The following ADGRB1 variants were observed in gnomAD, a reference collection of about 807,000 sequenced individuals.
ADGRB1 encodes brain-specific angiogenesis inhibitor 1.
ADGRB1 carries 36 observed loss-of-function variants against 175.7 expected under a neutral mutation model. The observed-to-expected ratio is 0.20, with a 90% CI of 0.16 to 0.27. ADGRB1 has a LOEUF of 0.27. Ranked by LOEUF, ADGRB1 falls within the 10% of genes least tolerant of loss-of-function variation. The pLI is 1.00. For missense variants in ADGRB1, 1,731 were observed against 2,255.3 expected, an observed-to-expected ratio of 0.77 and a Z score of 4.71; for synonymous variants, 1,054 against 979.4, an observed-to-expected ratio of 1.08 and a Z score of -1.42.
intron 17 of ADGRB1, among the ~76,000 whole-genome samples, chr8:142,497,949 C>A (rs1392083268): frequency 6.6e-6 from 1 of 152,174 alleles, no homozygotes; most frequent in Non-Finnish European, 1.5e-5. Flanking sequence ...TCCTCCCAGT[C>A]CAGGACAGAC....
rs1034450105 is a variant in ADGRB1 at position 142,455,453 on chromosome 8, C to G, written c.-220+5349C>G. Among the ~76,000 whole-genome samples, 5 of 152,300 alleles carry G rather than the reference C, an allele frequency of 3.3e-5. No individual in the cohort carries two copies. The highest frequency in any genetic ancestry group is 5.9e-5 in the Non-Finnish European group (4 of 68,036). ...GACAGAAGTCCTCTCTGCAGCTTCG[C>G]TGTCAGGCCCCCAACCACTTGCCTT... On this transcript the variant is annotated intron_variant, in intron 1 of 30. Transcript: ENST00000517894. This position sits in a 1 kb window ranked among gnomAD's most constrained non-coding sequence, Gnocchi z 4.9.
intron 23 of ADGRB1, 74 bp from the exon 24 acceptor site, chr8:142,526,468 C>G (rs546292953): frequency 1.5e-6 from 2 of 1,354,738 alleles, no homozygotes; most frequent in Admixed American, 2.0e-5. Flanking sequence ...TAGCCAGCAT[C>G]GGTCCGGCCA....
rs1417404164 is a variant in ADGRB1 at position 142,544,730 on chromosome 8, A to C, written c.*313A>C. On this transcript the variant is annotated 3_prime_UTR_variant, in exon 31 of 31. Coordinates refer to ENST00000517894, the MANE Select transcript of ADGRB1 (RefSeq NM_001702.3). ...GACCGTGGACAGGCCCAGCGCGGCCAGCGTCCCAGGGTACCCGCCTGAGCT... is the reference window on the plus strand; with the variant it reads ...GACCGTGGACAGGCCCAGCGCGGCCCGCGTCCCAGGGTACCCGCCTGAGCT... 4 of 230,752 alleles carry C rather than the reference A, an allele frequency of 1.7e-5. No homozygotes were observed. Among genetic ancestry groups the C allele is most frequent in the Non-Finnish European group, 3.3e-5 (4 of 119,984 alleles). 14.3% of individuals were successfully genotyped at this position (230,752 alleles called of 1,614,324 possible).
At chr8:142,469,221 C>T (rs899281216) in intron 2 of ADGRB1, among the ~76,000 whole-genome samples, 24 of 142,950 alleles carry the variant, frequency 1.7e-4, no homozygotes, top group African/African-American at 6.3e-4. Flanking sequence ...GTGTGCATAT[C>T]TGTGAATGTG....
At chr8:142,451,334 C>T (rs1839337911) in intron 1 of ADGRB1, among the ~76,000 whole-genome samples, 1 of 152,196 alleles carries the variant, frequency 6.6e-6, no homozygotes, top group African/African-American at 2.4e-5. Flanking sequence ...GGCACCTTAC[C>T]CCTTTCCACT....
intron 17 of ADGRB1, among the ~76,000 whole-genome samples, chr8:142,502,539 G>A (rs1030830614): frequency 1.8e-4 from 13 of 73,136 alleles, no homozygotes; most frequent in Admixed American, 1.1e-3. Flanking sequence ...TTTGAGGATG[G>A]AGGCAGAGGT....
At chr8:142,488,133 C>T (rs564810597) in intron 13 of ADGRB1, among the ~76,000 whole-genome samples, 212 of 152,302 alleles carry the variant, frequency 1.4e-3, no homozygotes, top group Non-Finnish European at 2.5e-3. Flanking sequence ...GGACCAGGAC[C>T]GGCCCAGCCT....
At chr8:142,477,343 C>T (rs754411890) in intron 5 of ADGRB1, 42 bp from the exon 6 acceptor site, 14 of 1,375,488 alleles carry the variant, frequency 1.0e-5, no homozygotes, top group Middle Eastern at 1.9e-4. Context: ...GCAGCGGGGG[C>T]GGTGGCCGCA....
At chr8:142,497,889 G>A (rs1388593392) in intron 17 of ADGRB1, among the ~76,000 whole-genome samples, 1 of 152,190 alleles carries the variant, frequency 6.6e-6, no homozygotes, top group African/African-American at 2.4e-5. Context: ...AGGTCGTAAG[G>A]TCACGGCTGC....
intron 27 of ADGRB1, among the ~76,000 whole-genome samples, chr8:142,541,508 CCCACCCACACAAGG>C (rs1845269302): frequency 1.3e-5 from 2 of 152,184 alleles, no homozygotes; most frequent in Admixed American, 6.5e-5. Flanking sequence ...CACACTGCCC[CCCACCCACACAAGG>C]CCCAGGGCCG....
At chr8:142,505,342 G>A (rs1212786656) in intron 17 of ADGRB1, among the ~76,000 whole-genome samples, 1 of 152,218 alleles carries the variant, frequency 6.6e-6, no homozygotes, top group Non-Finnish European at 1.5e-5. Context: ...GCTCTCCCAA[G>A]GCCTCCTACC....
rs1845438095 is a variant in ADGRB1, at chr8:142,543,882, T to C, written c.4557+174T>C. 6.6e-6 allele frequency among the ~76,000 whole-genome samples: 1 copy of C among 152,112 alleles called. No homozygotes were observed. The highest frequency in any genetic ancestry group is 6.5e-5 in the Admixed American group (1 of 15,276). On this transcript the variant is annotated intron_variant, in intron 30 of 30. Coordinates refer to ENST00000517894, the MANE Select transcript of ADGRB1 (RefSeq NM_001702.3). The surrounding 1 kb of genome is among the most constrained non-coding windows in gnomAD (Gnocchi z 4.4). ...GGCCTGACCCTGCCATGCCAGACTC[T>C]GGAGGCCATGGCCATACTGGGAGCT...
chr8:142,464,412 C>A lies in ADGRB1; in HGVS notation c.214C>A (p.Leu72Ile), dbSNP rs1445797377. ...CAACGCCTCGCGCTGCTCCTGGACG[C>A]TACGCAACCCGGACCCGCGGCGCTA... ...PANASRCSWT[L>I]RNPDPRRYTL... Residue 72 changes from leucine to isoleucine, a missense_variant, in exon 2 of 31, where the codon CTA (leucine) becomes ATA (isoleucine). This residue lies in a region of ADGRB1 where 383 missense variants were observed against 383.1 expected (regional missense o/e 1.00). Transcript: ENST00000517894. 3.9e-6 allele frequency: 6 copies of A among 1,544,116 alleles called. No homozygotes were observed. The highest frequency in any genetic ancestry group is 5.2e-6 in the Non-Finnish European group (6 of 1,148,694).
intron 25 of ADGRB1, among the ~76,000 whole-genome samples, chr8:142,536,663 G>C (rs1038145107): frequency 4.6e-5 from 7 of 151,996 alleles, no homozygotes; most frequent in Admixed American, 2.0e-4. Context: ...GGACATCTTC[G>C]GCCCGCTGCA....
chr8:142,469,588 AATGTGTGTGTGCACGTGC>A (rs1266672159), intron 2 of ADGRB1, among the ~76,000 whole-genome samples: 101 of 105,442 alleles, frequency 9.6e-4, no homozygotes, highest in Non-Finnish European at 1.6e-3. Flanking sequence ...TGCATGTGTG[AATGTGTGTGTGCACGTGC>A]ATGTGTGTGT....
chr8:142,519,477 G>A (rs1286668568), intron 19 of ADGRB1, among the ~76,000 whole-genome samples: 2 of 152,160 alleles, frequency 1.3e-5, no homozygotes, highest in African/African-American at 4.8e-5. Context: ...GGTGATGGTG[G>A]TGATGGTGGT....
chr8:142,509,447 T>A (rs554642056), intron 17 of ADGRB1, among the ~76,000 whole-genome samples: 16 of 152,072 alleles, frequency 1.1e-4, no homozygotes, highest in Non-Finnish European at 4.4e-5. Flanking sequence ...GGGCTGCGTG[T>A]GGGGGTGGCT....
intron 10 of ADGRB1, 73 bp downstream of exon 10, chr8:142,481,433 G>A: frequency 6.3e-7 from 1 of 1,599,620 alleles, no homozygotes. Flanking sequence ...ACCCTGCAGA[G>A]GGTCCTAGGC....
At position 142,543,786 on chromosome 8, in the gene ADGRB1, C is replaced by A; in HGVS notation, c.4557+78C>A. The A allele has an allele frequency of 7.7e-7, 1 of 1,297,848 alleles. No homozygotes were observed. The highest frequency in any genetic ancestry group is 1.1e-6 in the Non-Finnish European group (1 of 919,118). 80.4% of individuals were successfully genotyped at this position (1,297,848 alleles called of 1,614,324 possible). The stretch of plus-strand genomic sequence containing the variant: ...GTCTCCCTTCTTCCCTGGATTTGTG[C>A]ACTTCATCCATCCATCCATCCATCC... On this transcript the variant is annotated intron_variant, in intron 30 of 30. Coordinates refer to ENST00000517894, the MANE Select transcript of ADGRB1 (RefSeq NM_001702.3). The surrounding 1 kb of genome is among the most constrained non-coding windows in gnomAD (Gnocchi z 4.4).
Sources: allele counts gnomAD v4.1 joint callset (sites outside exome capture counted in the v4.1 genomes callset), GRCh38; gene constraint gnomAD v4.1.1; regional missense constraint gnomAD v4.1.1; non-coding constraint Gnocchi (gnomAD v3.1); transcripts MANE v1.5; gene names NCBI Gene and HGNC (gene_info 2026-07-23, HGNC 2026-07-21).